PDXDC1: variants seen among roughly 807,000 people sequenced by gnomAD.
The protein encoded by PDXDC1 is pyridoxal-dependent decarboxylase domain-containing protein 1.
Under a neutral mutation model 100.1 loss-of-function variants are expected in PDXDC1, and 42 were observed. The observed-to-expected ratio is 0.42, with a 90% CI of 0.33 to 0.54. The LOEUF is 0.54. Ranked by LOEUF, PDXDC1 falls within the 20% of genes least tolerant of loss-of-function variation. The pLI, the probability that PDXDC1 is intolerant of heterozygous loss-of-function variation, is 0.10. For missense variants in PDXDC1, 636 were observed against 979.2 expected, an observed-to-expected ratio of 0.65 and a Z score of 4.68; for synonymous variants, 260 against 371.7, an observed-to-expected ratio of 0.70 and a Z score of 3.46.
intron 14 of PDXDC1, among the ~76,000 whole-genome samples, 180 bp from the exon 15 acceptor site, chr16:15,028,698 T>G (rs1162144295): frequency 1.3e-5 from 2 of 152,306 alleles, no homozygotes; most frequent in Admixed American, 1.3e-4. Flanking sequence ...ATTCAAGTGT[T>G]ACATAGATCA....
In PDXDC1 at chr16:14,975,177, G is replaced by A; in HGVS notation, c.-23G>A. 16 of 1,452,598 alleles carry A rather than the reference G, an allele frequency of 1.1e-5. No individual in the cohort carries two copies. The South Asian group carries it at 2.2e-4, about 20-fold the overall frequency. The allele number at this position is 1,452,598 out of a possible 1,614,324, so 90.0% of individuals were successfully genotyped here. The stretch of plus-strand genomic sequence containing the variant: ...GAGGAAGTAGAGCCCGGGACCGCCA[G>A]GCCACCACCGGCCGCCTCAGCCATG... On this transcript the variant is annotated 5_prime_UTR_variant, in exon 1 of 23. Coordinates refer to ENST00000396410, the MANE Select transcript of PDXDC1 (RefSeq NM_015027.4).
chr16:15,020,128 A>AG (rs2151524250), intron 12 of PDXDC1, among the ~76,000 whole-genome samples: 1 of 152,080 alleles, frequency 6.6e-6, no homozygotes, highest in Non-Finnish European at 1.5e-5. Context: ...AAAAAAAAAA[A>AG]AAAAAAAAAA....
intron 8 of PDXDC1, among the ~76,000 whole-genome samples, chr16:15,013,042 C>T (rs1237709711): frequency 2.6e-5 from 4 of 152,012 alleles, no homozygotes; most frequent in Non-Finnish European, 5.9e-5. Flanking sequence ...TGGTGGTGGG[C>T]ACCTGTAGTC....
At chr16:15,047,368 A>T (rs1403044332) in intron 16 of PDXDC1, 15 of 975,202 alleles carry the variant, frequency 1.5e-5, no homozygotes, top group Non-Finnish European at 2.2e-5. Context: ...TTCCCCTAAC[A>T]GCTTCCACAG....
At chr16:14,980,605 C>T (rs1192275295) in intron 1 of PDXDC1, among the ~76,000 whole-genome samples, 1 of 152,280 alleles carries the variant, frequency 6.6e-6, no homozygotes, top group East Asian at 1.9e-4. Flanking sequence ...TCTGCCTCAG[C>T]TGGGACTACA....
At chr16:14,989,224 C>G (rs1970124165) in intron 1 of PDXDC1, 1 of 1,614,130 alleles carries the variant, frequency 6.2e-7, no homozygotes, top group Non-Finnish European at 8.5e-7. Context: ...CGTGCCAAGT[C>G]CTGCAGCGCC....
At chr16:15,003,364 C>G (rs1425104547) in intron 4 of PDXDC1, among the ~76,000 whole-genome samples, 1 of 149,934 alleles carries the variant, frequency 6.7e-6, no homozygotes, top group Non-Finnish European at 1.5e-5. Flanking sequence ...TTACAGGTGC[C>G]CACCACCAGG....
chr16:15,000,401 G>A (rs1972887468), intron 3 of PDXDC1, among the ~76,000 whole-genome samples: 1 of 152,292 alleles, frequency 6.6e-6, no homozygotes, highest in South Asian at 2.1e-4. Context: ...GGCAGCCAGT[G>A]TGCCTCAAGG....
chr16:15,093,167 G>A (rs1196755780), intron 16 of PDXDC1, among the ~76,000 whole-genome samples: 1 of 152,128 alleles, frequency 6.6e-6, no homozygotes, highest in Non-Finnish European at 1.5e-5. Flanking sequence ...ACCATGCCCG[G>A]CTGATTTTTG....
At chr16:15,040,283 G>A (rs1455607714), downstream of PDXDC1, 1 of 424,780 alleles carries the variant, frequency 2.4e-6, no homozygotes, top group Admixed American at 4.3e-5. Flanking sequence ...GACTCGGTGA[G>A]ATTTTGTTCT....
At chr16:15,013,175 AAAAT>A (rs1359535656) in intron 8 of PDXDC1, among the ~76,000 whole-genome samples, 6 of 152,084 alleles carry the variant, frequency 3.9e-5, no homozygotes, top group South Asian at 2.1e-4. Flanking sequence ...GTTTCTGTAA[AAAAT>A]AAATAAGTAA....
intron 16 of PDXDC1, among the ~76,000 whole-genome samples, chr16:15,091,836 G>C (rs187789085): frequency 1.3e-5 from 2 of 152,278 alleles, no homozygotes; most frequent in African/African-American, 4.8e-5. Context: ...CCTACTCAGA[G>C]AACTGGTTTA....
At chr16:15,147,534 CT>C in the PDXDC1 span, among the ~76,000 whole-genome samples, 1 of 152,134 alleles carries the variant, frequency 6.6e-6, no homozygotes, top group Middle Eastern at 3.2e-3. Context: ...CTTCCTAGAC[CT>C]TTTCTTTTTG....
chr16:15,035,343 G>A (rs1361470552), intron 21 of PDXDC1, 106 bp from the exon 22 acceptor site: 2 of 573,894 alleles, frequency 3.5e-6, no homozygotes, highest in African/African-American at 2.0e-5. Context: ...GGCAGGCTCA[G>A]TGGCTGGAAG....
intron 5 of PDXDC1, among the ~76,000 whole-genome samples, chr16:15,005,593 T>C (rs1325809924): frequency 6.6e-6 from 1 of 152,290 alleles, no homozygotes; most frequent in Non-Finnish European, 1.5e-5. Context: ...AAAGGAGCAG[T>C]GTTCTGTTGT....
chr16:14,993,712 C>T (rs201488143), intron 1 of PDXDC1, among the ~76,000 whole-genome samples: 9 of 152,296 alleles, frequency 5.9e-5, no homozygotes, highest in African/African-American at 9.6e-5. Flanking sequence ...CCTGAGGAAT[C>T]GCCACACTGA....
At chr16:15,148,370 A>AT in the PDXDC1 span, among the ~76,000 whole-genome samples, 866 of 34,118 alleles carry the variant, frequency 0.025, 198 homozygotes, top group African/African-American at 0.036. Flanking sequence ...AGATCCTGTG[A>AT]TTTTTTTTTT....
intron 16 of PDXDC1, chr16:15,083,699 C>T (rs983633814): frequency 6.7e-5 from 96 of 1,432,996 alleles, no homozygotes; most frequent in Middle Eastern, 2.6e-4. Flanking sequence ...AACAGGAACC[C>T]CTACCTCAAA....
chr16:15,146,468 C>G, the PDXDC1 span, among the ~76,000 whole-genome samples: 1 of 152,210 alleles, frequency 6.6e-6, no homozygotes, highest in South Asian at 2.1e-4. Flanking sequence ...GCCAATACTT[C>G]CCAGCCCCGC....
Sources: allele counts gnomAD v4.1 joint callset (sites outside exome capture counted in the v4.1 genomes callset), GRCh38; gene constraint gnomAD v4.1.1; transcripts MANE v1.5; gene names NCBI Gene and HGNC (gene_info 2026-07-23, HGNC 2026-07-21).